SYNE1: variants seen among roughly 807,000 people sequenced by gnomAD.
The protein encoded by SYNE1 is nesprin-1.
In SYNE1, 616 loss-of-function variants were observed where a neutral mutation model predicts 1,111.0. That is an observed-to-expected ratio of 0.55 (90% CI 0.52 to 0.59). The LOEUF (loss-of-function observed/expected upper bound fraction) is 0.59, where lower values mean the gene tolerates loss of function less well. SYNE1 is among the 20% of genes least tolerant of loss of function. The probability of loss-of-function intolerance (pLI) is 0.00; values close to 1 mark genes in which losing one functional copy is unlikely to be tolerated. For synonymous variants in SYNE1, 3,855 were observed against 3,825.8 expected, an observed-to-expected ratio of 1.01 and a Z score of -0.28; for missense variants, 10,006 against 10,417.0, an observed-to-expected ratio of 0.96 and a Z score of 1.72.
At position 152,350,348 on chromosome 6, in the gene SYNE1, G is replaced by GTGTC; in HGVS notation, c.11734-17_11734-14dup. On this transcript the variant is annotated splice_polypyrimidine_tract_variant and intron_variant, in intron 71 of 145. Coordinates refer to ENST00000367255, the MANE Select transcript of SYNE1 (RefSeq NM_182961.4). ...TGAAGACATGCTCCTGCAAAACCAG[G>GTGTC]TGTCCATCAGAGATGACTTTCAAGT... The GTGTC allele has an allele frequency of 6.2e-7, 1 of 1,614,076 alleles. No individual in the cohort carries two copies. The highest frequency in any genetic ancestry group is 8.5e-7 in the Non-Finnish European group (1 of 1,180,012).
chr6:152,300,698 A>C lies in SYNE1; in HGVS notation c.17625T>G (p.Ser5875=). 1 of 1,614,214 alleles carries C rather than the reference A, an allele frequency of 6.2e-7. No individual in the cohort carries two copies. The highest frequency in any genetic ancestry group is 1.3e-5 in the African/African-American group (1 of 75,060). ...GEEGTNSEIS[S]PPACRSPSPV... is the part of the protein sequence containing the mutation. The stretch of plus-strand genomic sequence containing the variant: ...GTGAAGGGGAGCGACAGGCAGGTGG[A>C]GAGGAAATCTCACTGTTGGTTCCCT... The change falls in exon 93 of 146, where the codon TCT becomes TCG. Residue 5875 remains serine, a synonymous_variant. Transcript: ENST00000367255.
chr6:152,407,574 A>G (rs1244802496), intron 44 of SYNE1, among the ~76,000 whole-genome samples: 2 of 152,156 alleles, frequency 1.3e-5, no homozygotes, highest in Non-Finnish European at 2.9e-5. Context: ...TTTATTTCTA[A>G]TGCTGAGGTA....
chr6:152,520,522 C>T lies in SYNE1; in HGVS notation c.246G>A (p.Arg82=), dbSNP rs1347325569. 1.2e-6 allele frequency: 2 copies of T among 1,613,554 alleles called. No homozygotes were observed. The highest frequency in any genetic ancestry group is 1.3e-5 in the African/African-American group (1 of 74,858). The part of the protein sequence containing the change: ...GQKLPCEQGR[R]MKRIHAVANI... ...TAGCCACAGCATGGATTCGCTTCAT[C>T]CGGCGTCCTTGTTCACAAGGCTGTA... The change falls in exon 6 of 146, where the codon CGG becomes CGA. Residue 82 remains arginine, a synonymous_variant. Transcript: ENST00000367255.
intron 3 of SYNE1, among the ~76,000 whole-genome samples, chr6:152,578,780 C>A (rs1340940537): frequency 6.6e-6 from 1 of 152,074 alleles, no homozygotes; most frequent in African/African-American, 2.4e-5. Context: ...ATGCATACAT[C>A]TATTTTATGA....
At chr6:152,520,145 A>C (rs2099131717) in intron 6 of SYNE1, among the ~76,000 whole-genome samples, 4 of 152,188 alleles carry the variant, frequency 2.6e-5, no homozygotes. Flanking sequence ...TAGAGGGAAC[A>C]TTGATGAACT....
In SYNE1 at chr6:152,381,382, T is replaced by C. The variant is rs758942857; in HGVS notation, c.8653-20A>G. On this transcript the variant is annotated intron_variant, in intron 55 of 145. Coordinates refer to ENST00000367255, the MANE Select transcript of SYNE1 (RefSeq NM_182961.4). Reference sequence around the variant, plus strand: ...CAGCTCCTGTAATGGAATATCACCATGGTAACTGAAGAGCCTGTGAGTCAC... The same window carrying C: ...CAGCTCCTGTAATGGAATATCACCACGGTAACTGAAGAGCCTGTGAGTCAC... The C allele has an allele frequency of 3.1e-6, 5 of 1,610,468 alleles. No individual in the cohort carries two copies. Among genetic ancestry groups the C allele is most frequent in the African/African-American group, 1.3e-5 (1 of 75,012 alleles).
At chr6:152,437,413 G>A (rs1218234809) in intron 32 of SYNE1, among the ~76,000 whole-genome samples, 7 of 152,110 alleles carry the variant, frequency 4.6e-5, no homozygotes, top group Admixed American at 1.3e-4. Context: ...GTTACTGTTA[G>A]CATTCTATTA....
intron 20 of SYNE1, among the ~76,000 whole-genome samples, chr6:152,462,095 TA>T (rs35271364): frequency 0.096 from 14,164 of 147,254 alleles, 1,971 homozygotes; most frequent in African/African-American, 0.31. Flanking sequence ...TGGTTTTCGT[TA>T]AAAAAAAAAA....
chr6:152,226,902 T>C (rs1441285212), intron 115 of SYNE1, among the ~76,000 whole-genome samples: 1 of 152,204 alleles, frequency 6.6e-6, no homozygotes, highest in African/African-American at 2.4e-5. Flanking sequence ...TACAGTCCCA[T>C]ATTCAGAAGT....
chr6:152,422,944 T>C (rs892853654), intron 39 of SYNE1, among the ~76,000 whole-genome samples: 1 of 152,238 alleles, frequency 6.6e-6, no homozygotes, highest in Admixed American at 6.5e-5. Context: ...ATATATTTCT[T>C]TGACAAATTC....
At chr6:152,441,382 A>G in intron 31 of SYNE1, 112 bp from the exon 32 acceptor site, 1 of 1,154,790 alleles carries the variant, frequency 8.7e-7, no homozygotes, top group Admixed American at 2.0e-5. Context: ...TTCAAATTTC[A>G]CACAGTCACA....
Position 152,239,383 on chromosome 6 carries a change from A to G in SYNE1, c.20067+150T>C, listed in dbSNP as rs200895818. On this transcript the variant is annotated intron_variant, in intron 108 of 145. Transcript: ENST00000367255. ...ACACAGGGGGAATAAGCAACACAGA[A>G]CCATAGGAAAAGTGCAGTCCTGAGC... The G allele has an allele frequency of 2.8e-5, 25 of 883,964 alleles. No individual in the cohort carries two copies. The East Asian group carries it at 6.2e-4, about 22-fold the overall frequency. The allele number at this position is 883,964 out of a possible 1,614,324, so 54.8% of individuals were successfully genotyped here. A position where few individuals can be genotyped will look rare whatever the true frequency, so the allele number is the denominator to read the frequency against.
At chr6:152,198,520 GC>G (rs1429739046) in intron 127 of SYNE1, among the ~76,000 whole-genome samples, 40 of 152,196 alleles carry the variant, frequency 2.6e-4, no homozygotes, top group Admixed American at 2.4e-3. Flanking sequence ...AAGAGGCCTA[GC>G]TTTTGGCCTG....
intron 8 of SYNE1, among the ~76,000 whole-genome samples, chr6:152,505,647 C>T (rs184124950): frequency 7.9e-5 from 12 of 152,262 alleles, no homozygotes; most frequent in African/African-American, 2.2e-4. Context: ...TAAGTTAAAG[C>T]GTATTTTTAC....
Position 152,317,503 on chromosome 6 carries a change from A to T in SYNE1, c.16573-517T>A, listed in dbSNP as rs1304449856. Reference sequence around the variant, plus strand: ...AGTACTAGGATTATAGGTATGAGCCACCATGCCAGGCCTTCCTCTATCCCT... The same window carrying T: ...AGTACTAGGATTATAGGTATGAGCCTCCATGCCAGGCCTTCCTCTATCCCT... On this transcript the variant is annotated intron_variant, in intron 86 of 145. Coordinates refer to ENST00000367255, the MANE Select transcript of SYNE1 (RefSeq NM_182961.4). 3.3e-5 allele frequency among the ~76,000 whole-genome samples: 5 copies of T among 152,264 alleles called. No individual in the cohort carries two copies. The East Asian group carries it at 9.6e-4, about 29-fold the overall frequency.
intron 44 of SYNE1, among the ~76,000 whole-genome samples, chr6:152,407,695 A>G (rs898495502): frequency 6.6e-6 from 1 of 152,228 alleles, no homozygotes; most frequent in Non-Finnish European, 1.5e-5. Flanking sequence ...CTATAATGAT[A>G]TGCACTAAAA....
intron 11 of SYNE1, 84 bp from the exon 12 acceptor site, chr6:152,488,587 G>A: frequency 1.2e-6 from 1 of 810,662 alleles, no homozygotes; most frequent in Non-Finnish European, 2.0e-6. Context: ...TTCTAGAAGA[G>A]ACTTAATATT....
chr6:152,188,743 G>A (rs970175777), intron 128 of SYNE1, among the ~76,000 whole-genome samples: 4 of 151,508 alleles, frequency 2.6e-5, no homozygotes, highest in Non-Finnish European at 2.9e-5. Context: ...CAAATCACAA[G>A]GTCAGGAGAT....
chr6:152,609,459 A>T (rs556123643), intron 3 of SYNE1, among the ~76,000 whole-genome samples: 188 of 152,266 alleles, frequency 1.2e-3, no homozygotes, highest in African/African-American at 4.4e-3. Context: ...AGGTAAACAA[A>T]GTGACTGGGA....
Sources: gnomAD v4.1 joint callset for allele counts (sites outside exome capture counted in the v4.1 genomes callset) on GRCh38, gnomAD v4.1.1 for gene constraint, MANE v1.5 for transcripts, NCBI Gene and HGNC (gene_info 2026-07-23, HGNC 2026-07-21) for gene names.